Variants in TNS3 observed in about 807,000 individuals in gnomAD.
The protein encoded by TNS3 is tensin-3.
In TNS3, 45 loss-of-function variants were observed where a neutral mutation model predicts 140.9. That is an observed-to-expected ratio of 0.32 (90% CI 0.25 to 0.41). TNS3 has a LOEUF of 0.41. TNS3 is among the 10% of genes least tolerant of loss of function. The pLI, the probability that TNS3 is intolerant of heterozygous loss-of-function variation, is 1.00. For synonymous variants in TNS3, 815 were observed against 788.4 expected (o/e 1.03, Z -0.56); for missense variants, 1,716 against 1,906.7 (o/e 0.90, Z 1.86).
chr7:47,280,307 G>A lies in TNS3; in HGVS notation c.4145C>T (p.Ala1382Val). Reference protein sequence around the residue: ...HYPVNSVIFCALDPQDRKWIK... With the variant: ...HYPVNSVIFCVLDPQDRKWIK... ...TTACTTCCTGTCTTGTGGGTCCAAGGCACAGAAAATCACACTGTTCACGGG... is the reference window on the plus strand; with the variant it reads ...TTACTTCCTGTCTTGTGGGTCCAAGACACAGAAAATCACACTGTTCACGGG... The change falls in exon 29 of 31, where the codon GCC becomes GTC. Residue 1382 changes from alanine (A) to valine (V), a missense_variant. This residue lies in a region of TNS3 where 216 missense variants were observed against 295.7 expected (regional missense o/e 0.73). Coordinates refer to ENST00000311160, the MANE Select transcript of TNS3 (RefSeq NM_022748.12). 6.2e-7 allele frequency: 1 copy of A among 1,614,140 alleles called. No individual in the cohort carries two copies.
intron 1 of TNS3, among the ~76,000 whole-genome samples, chr7:47,548,901 G>A (rs1421479093): frequency 1.3e-5 from 2 of 152,098 alleles, no homozygotes; most frequent in African/African-American, 2.4e-5. Flanking sequence ...CCTGCTGCTC[G>A]GTCTGCACAA....
At chr7:47,383,244 C>T (rs566448694) in intron 16 of TNS3, among the ~76,000 whole-genome samples, 23 of 152,090 alleles carry the variant, frequency 1.5e-4, no homozygotes, top group Admixed American at 9.2e-4. Context: ...AAGGATGGAG[C>T]GTAACAGGAA....
chr7:47,369,248 T>C lies in TNS3; in HGVS notation c.1398A>G (p.Gly466=). The C allele has an allele frequency of 1.2e-6, 2 of 1,614,182 alleles. No homozygotes were observed. Among genetic ancestry groups the C allele is most frequent in the South Asian group, 1.1e-5 (1 of 91,082 alleles). The stretch of plus-strand genomic sequence containing the variant: ...TCTCCCGATCCTTCAGAGCAGCGTC[T>C]CCATTCACGTGAACCTGGGCTGGCA... The part of the protein sequence containing the change: ...HVVPAQVHVN[G]DAALKDRETD... Residue 466 remains glycine (G), a synonymous_variant, in exon 17 of 31, where the codon GGA becomes GGG. Transcript: ENST00000311160.
intron 1 of TNS3, among the ~76,000 whole-genome samples, chr7:47,531,906 A>G (rs1799418784): frequency 6.6e-6 from 1 of 152,174 alleles, no homozygotes; most frequent in African/African-American, 2.4e-5. Context: ...GTGCAGCTGC[A>G]GCCACCATCC....
Position 47,303,567 on chromosome 7 carries a change from C to T in TNS3, c.2840G>A (p.Arg947His), listed in dbSNP as rs369599335. The T allele has an allele frequency of 6.5e-5, 104 of 1,595,838 alleles. No homozygotes were observed. Among genetic ancestry groups the T allele is most frequent in the African/African-American group, 4.5e-4 (34 of 74,878 alleles). ...QRRESSSSAERQWVESSPKPM... is the reference protein window; with the variant it reads ...QRRESSSSAEHQWVESSPKPM... Reference sequence around the variant, plus strand: ...CTTGGGGCTGCTCTCCACCCACTGGCGTTCTGCAGAAGAGGAGCTGTTCAA... The same window carrying T: ...CTTGGGGCTGCTCTCCACCCACTGGTGTTCTGCAGAAGAGGAGCTGTTCAA... Residue 947 changes from arginine to histidine, a missense_variant, in exon 22 of 31, where the codon CGC becomes CAC. Around this residue, in one of 3 missense-constraint regions of TNS3, gnomAD observed 1,163 missense variants for 1,182.1 expected, o/e 0.98. Transcript: ENST00000311160.
At chr7:47,439,702 A>C (rs754377852) in intron 5 of TNS3, 44 bp from the exon 6 acceptor site, 4 of 1,597,268 alleles carry the variant, frequency 2.5e-6, no homozygotes, top group Non-Finnish European at 1.7e-6. Flanking sequence ...GTAAGGAGGC[A>C]GCAGACATTC....
At chr7:47,381,128 T>C (rs946230842) in intron 16 of TNS3, among the ~76,000 whole-genome samples, 1 of 152,222 alleles carries the variant, frequency 6.6e-6, no homozygotes, top group African/African-American at 2.4e-5. Flanking sequence ...GGTTTCTGCC[T>C]TCACTCCTGA....
chr7:47,502,563 G>A (rs960678249), intron 3 of TNS3, among the ~76,000 whole-genome samples: 1 of 152,202 alleles, frequency 6.6e-6, no homozygotes, highest in Non-Finnish European at 1.5e-5. Context: ...CCCAGCAAAG[G>A]CCCCCAGGGC....
intron 16 of TNS3, among the ~76,000 whole-genome samples, chr7:47,384,091 C>T (rs960617740): frequency 1.3e-5 from 2 of 152,188 alleles, no homozygotes; most frequent in South Asian, 2.1e-4. Flanking sequence ...ACCCATTCTC[C>T]CCCCACTGTC....
Position 47,529,021 on chromosome 7 carries a change from T to C in TNS3, c.-153+15A>G, listed in dbSNP as rs772601419. On this transcript the variant is annotated intron_variant, in intron 2 of 30. Coordinates refer to ENST00000311160, the MANE Select transcript of TNS3 (RefSeq NM_022748.12). ...TCTGGATTAATCAGTGAGAGAATCA[T>C]AAACACAGACTTACCTCGGCATGAA... The C allele has an allele frequency of 1.3e-5, 16 of 1,263,002 alleles. No homozygotes were observed. The South Asian group carries it at 1.4e-4, about 11-fold the overall frequency. 78.2% of individuals were successfully genotyped at this position (1,263,002 alleles called of 1,614,324 possible).
At chr7:47,455,460 A>G (rs779507159) in intron 4 of TNS3, among the ~76,000 whole-genome samples, 8 of 152,120 alleles carry the variant, frequency 5.3e-5, no homozygotes, top group Non-Finnish European at 1.2e-4. Flanking sequence ...AATCAGATTC[A>G]TATGGATAAC....
rs201625261 is a variant in TNS3 at position 47,418,628 on chromosome 7, AGAT to A, written c.474-3425_474-3423del. Among the ~76,000 whole-genome samples, 504 of 152,340 alleles carry A rather than the reference AGAT, an allele frequency of 3.3e-3. 9 individuals carry two copies. The highest frequency in any genetic ancestry group is 0.026 in the Admixed American group (398 of 15,308). On this transcript the variant is annotated intron_variant, in intron 10 of 30. Coordinates refer to ENST00000311160, the MANE Select transcript of TNS3 (RefSeq NM_022748.12). Reference sequence around the variant, plus strand: ...TTCTTTTTAGGAAATAACTCCCTGGAGATGATGTTTTCCATGCTGCTTCTCAAA... The same window carrying A: ...TTCTTTTTAGGAAATAACTCCCTGGAGATGTTTTCCATGCTGCTTCTCAAA...
chr7:47,445,016 C>T (rs1180392853), intron 4 of TNS3, among the ~76,000 whole-genome samples: 1 of 152,148 alleles, frequency 6.6e-6, no homozygotes, highest in African/African-American at 2.4e-5. Flanking sequence ...CCTTCCTTAA[C>T]CTCTGTATTG....
intron 20 of TNS3, among the ~76,000 whole-genome samples, chr7:47,344,025 C>T (rs895354604): frequency 6.6e-6 from 1 of 152,148 alleles, no homozygotes; most frequent in Non-Finnish European, 1.5e-5. Flanking sequence ...TAACCATTAA[C>T]AGCAGCCTTC....
At chr7:47,538,523 G>A (rs1398215183) in intron 1 of TNS3, among the ~76,000 whole-genome samples, 1 of 152,190 alleles carries the variant, frequency 6.6e-6, no homozygotes, top group Non-Finnish European at 1.5e-5. Flanking sequence ...TGCCTTGGAT[G>A]TGGGGAGCAG....
At chr7:47,563,810 A>C (rs1800365601) in intron 1 of TNS3, among the ~76,000 whole-genome samples, 1 of 152,220 alleles carries the variant, frequency 6.6e-6, no homozygotes, top group East Asian at 1.9e-4. Flanking sequence ...GTGGTCATTA[A>C]TTTTATGCAT....
chr7:47,579,384 A>C (rs998556703), intron 1 of TNS3: 1 of 152,082 alleles, frequency 6.6e-6, no homozygotes, highest in Non-Finnish European at 1.5e-5. Flanking sequence ...CTCCTGCTGC[A>C]TGGGGCAAAC....
chr7:47,557,542 C>G (rs1376200833), intron 1 of TNS3, among the ~76,000 whole-genome samples: 2 of 152,222 alleles, frequency 1.3e-5, no homozygotes, highest in East Asian at 3.8e-4. Context: ...TCTTAAGTAA[C>G]AACCAGGTAA....
At position 47,280,329 on chromosome 7, in the gene TNS3, C is replaced by A. The variant is rs1482096792; in HGVS notation, c.4123G>T (p.Val1375Leu). 1.9e-6 allele frequency: 3 copies of A among 1,614,102 alleles called. No individual in the cohort carries two copies. Among genetic ancestry groups the A allele is most frequent in the Admixed American group, 1.7e-5 (1 of 60,018 alleles). The stretch of plus-strand genomic sequence containing the variant: ...AAGGCACAGAAAATCACACTGTTCA[C>A]GGGGTAATGCCTCCGGAAGAAGAGC... ...RKLFFRRHYP[V>L]NSVIFCALDP... Residue 1375 changes from valine to leucine, a missense_variant, in exon 29 of 31, where the codon GTG becomes TTG. Coordinates refer to ENST00000311160, the MANE Select transcript of TNS3 (RefSeq NM_022748.12).
Sources: gnomAD v4.1 joint callset for allele counts (sites outside exome capture counted in the v4.1 genomes callset) on GRCh38, gnomAD v4.1.1 for gene constraint, gnomAD v4.1.1 regional missense constraint, MANE v1.5 for transcripts, NCBI Gene and HGNC (gene_info 2026-07-23, HGNC 2026-07-21) for gene names.